ARHGAP12: variants seen among roughly 807,000 people sequenced by gnomAD.
ARHGAP12 encodes Rho GTPase activating protein 12.
ARHGAP12 carries 64 observed loss-of-function variants against 108.6 expected under a neutral mutation model. The ratio of observed to expected loss-of-function variants is 0.59; its 90% CI spans 0.48 to 0.73. The LOEUF is 0.73. Ranked by LOEUF, ARHGAP12 falls within the 30% of genes least tolerant of loss-of-function variation. The probability of loss-of-function intolerance (pLI) is 0.00; values close to 1 mark genes in which losing one functional copy is unlikely to be tolerated. For synonymous variants in ARHGAP12, 312 were observed against 337.2 expected (o/e 0.93, Z 0.82); for missense variants, 940 against 1,005.9 (o/e 0.93, Z 0.89).
At chr10:31,852,709 G>C in intron 5 of ARHGAP12, 112 bp from the exon 6 acceptor site, 6 of 414,974 alleles carry the variant, frequency 1.4e-5, no homozygotes, top group East Asian at 5.1e-5. Flanking sequence ...ACTTGATCAA[G>C]AACATTGCAA....
intron 1 of ARHGAP12, among the ~76,000 whole-genome samples, chr10:31,927,726 A>T (rs1173272827): frequency 6.6e-6 from 1 of 152,352 alleles, no homozygotes; most frequent in African/African-American, 2.4e-5. Flanking sequence ...ACAAAACTGC[A>T]GCTGCAGTCA....
At chr10:31,817,923 A>T (rs2778650) in intron 12 of ARHGAP12, 37 bp from the exon 13 acceptor site, 14 of 1,516,150 alleles carry the variant, frequency 9.2e-6, no homozygotes, top group Non-Finnish European at 1.2e-5. Flanking sequence ...GAGTATGGTC[A>T]GTTTGTGCTT....
intron 8 of ARHGAP12, 83 bp from the exon 9 acceptor site, chr10:31,839,402 TCA>T (rs1001548447): frequency 1.4e-6 from 2 of 1,403,754 alleles, no homozygotes; most frequent in African/African-American, 2.9e-5. Context: ...TATAAGTTCA[TCA>T]CTTAAAAATA....
At chr10:31,902,428 T>C (rs1220573404) in intron 3 of ARHGAP12, among the ~76,000 whole-genome samples, 1 of 151,058 alleles carries the variant, frequency 6.6e-6, no homozygotes, top group Non-Finnish European at 1.5e-5. Flanking sequence ...ATAATCCCAA[T>C]ACACTGGGAG....
chr10:31,919,783 C>T (rs1473922144), intron 1 of ARHGAP12, among the ~76,000 whole-genome samples: 1 of 145,044 alleles, frequency 6.9e-6, no homozygotes, highest in African/African-American at 2.6e-5. Context: ...CACAGCAAGA[C>T]TCCATTTCAA....
rs564705152 is a variant in ARHGAP12 at position 31,852,461 on chromosome 10, C to T, written c.1170+56G>A. 8 of 1,272,546 alleles carry T rather than the reference C, an allele frequency of 6.3e-6. No homozygotes were observed. The African/African-American group carries it at 1.2e-4, about 19-fold the overall frequency. The allele number at this position is 1,272,546 out of a possible 1,614,324, so 78.8% of individuals were successfully genotyped here. ...AAAATAAATCTGCTGAAACCATCTC[C>T]AGATATTACTTCATCTACTATTTTT... On this transcript the variant is annotated intron_variant, in intron 6 of 19. Transcript: ENST00000344936.
At chr10:31,921,041 C>T (rs1169672760) in intron 1 of ARHGAP12, among the ~76,000 whole-genome samples, 2 of 152,154 alleles carry the variant, frequency 1.3e-5, no homozygotes, top group East Asian at 1.9e-4. Context: ...CTTTGGGAGT[C>T]GGAGGTGGGA....
At chr10:31,808,522 T>G in intron 19 of ARHGAP12, 127 bp downstream of exon 19, 1 of 760,904 alleles carries the variant, frequency 1.3e-6, no homozygotes, top group Non-Finnish European at 2.2e-6. Flanking sequence ...GAGTAACTTT[T>G]TCAAGTTACA....
chr10:31,869,516 A>G (rs2808082), intron 3 of ARHGAP12, among the ~76,000 whole-genome samples: 149,998 of 152,246 alleles, frequency 0.99, 73,904 homozygotes, highest in East Asian at 1. Flanking sequence ...CAGCCTGGGT[A>G]ACAGAGCGAG....
At chr10:31,819,043 TCTTTA>T (rs1417114486) in intron 12 of ARHGAP12, among the ~76,000 whole-genome samples, 6 of 152,070 alleles carry the variant, frequency 3.9e-5, no homozygotes, top group African/African-American at 1.2e-4. Context: ...AAACATAGTC[TCTTTA>T]CTTAAGGGAA....
intron 11 of ARHGAP12, 136 bp from the exon 12 acceptor site, chr10:31,820,624 G>GT: frequency 2.2e-6 from 1 of 446,564 alleles, no homozygotes; most frequent in Non-Finnish European, 3.7e-6. Context: ...CTATTATAAA[G>GT]TAACAATTTC....
chr10:31,806,612 G>A lies in ARHGAP12; in HGVS notation c.*1046C>T, dbSNP rs1357167626. The A allele has an allele frequency of 6.6e-6, 1 of 152,546 alleles. No homozygotes were observed. The highest frequency in any genetic ancestry group is 1.5e-5 in the Non-Finnish European group (1 of 68,000). 9.4% of individuals were successfully genotyped at this position (152,546 alleles called of 1,614,324 possible). ...TTAAATAACCCAAAAGGTTCCTCTTGTAGTGCATGTGCCATTTAGCAAGTC... is the reference window on the plus strand; with the variant it reads ...TTAAATAACCCAAAAGGTTCCTCTTATAGTGCATGTGCCATTTAGCAAGTC... On this transcript the variant is annotated 3_prime_UTR_variant, in exon 20 of 20. Coordinates refer to ENST00000344936, the MANE Select transcript of ARHGAP12 (RefSeq NM_018287.7).
intron 14 of ARHGAP12, among the ~76,000 whole-genome samples, chr10:31,813,924 T>C (rs1340348625): frequency 1.3e-5 from 2 of 152,194 alleles, no homozygotes; most frequent in East Asian, 1.9e-4. Flanking sequence ...TAAGATTCTA[T>C]GTAGAATCTT....
chr10:31,896,197 C>A (rs1013839709), intron 3 of ARHGAP12, among the ~76,000 whole-genome samples: 10 of 150,870 alleles, frequency 6.6e-5, no homozygotes, highest in African/African-American at 2.4e-4. Context: ...ATGTAACAAA[C>A]CTGCACATTG....
chr10:31,808,509 G>A, intron 19 of ARHGAP12, 140 bp downstream of exon 19: 2 of 674,366 alleles, frequency 3.0e-6, no homozygotes, highest in South Asian at 3.6e-5. Flanking sequence ...ACTAAAAGGA[G>A]TTGAGTAACT....
chr10:31,852,919 G>A (rs565094163), intron 5 of ARHGAP12, among the ~76,000 whole-genome samples: 9 of 151,790 alleles, frequency 5.9e-5, no homozygotes, highest in African/African-American at 2.2e-4. Flanking sequence ...GTAGAGATGG[G>A]GTTTCTCCAT....
chr10:31,862,062 T>C (rs1837136978), intron 3 of ARHGAP12, among the ~76,000 whole-genome samples: 2 of 152,234 alleles, frequency 1.3e-5, no homozygotes, highest in African/African-American at 2.4e-5. Flanking sequence ...TCAAATTCTA[T>C]GATTTTAGGC....
intron 10 of ARHGAP12, among the ~76,000 whole-genome samples, chr10:31,830,419 A>G (rs1348192166): frequency 6.6e-6 from 1 of 152,190 alleles, no homozygotes; most frequent in Non-Finnish European, 1.5e-5. Flanking sequence ...AAAAAAAACA[A>G]AAGCAAAGAA....
chr10:31,844,615 C>T (rs1469977266), intron 6 of ARHGAP12, among the ~76,000 whole-genome samples: 1 of 151,860 alleles, frequency 6.6e-6, no homozygotes, highest in African/African-American at 2.4e-5. Context: ...CTCACTGCAA[C>T]CTTGAACTTC....
Sources: gnomAD v4.1 joint callset for allele counts (sites outside exome capture counted in the v4.1 genomes callset) on GRCh38, gnomAD v4.1.1 for gene constraint, MANE v1.5 for transcripts, NCBI Gene and HGNC (gene_info 2026-07-23, HGNC 2026-07-21) for gene names.